The following FRMD4A variants were observed in gnomAD, a reference collection of about 807,000 sequenced individuals.
The protein encoded by FRMD4A is FERM domain-containing protein 4A.
FRMD4A carries 29 observed loss-of-function variants against 129.1 expected under a neutral mutation model. The observed-to-expected ratio is 0.22, with a 90% CI of 0.17 to 0.31. The LOEUF is 0.31. Ranked by LOEUF, FRMD4A falls within the 10% of genes least tolerant of loss-of-function variation. The probability of loss-of-function intolerance (pLI) is 1.00; values close to 1 mark genes in which losing one functional copy is unlikely to be tolerated. For synonymous variants in FRMD4A, 634 were observed against 571.6 expected (o/e 1.11, Z -1.56); for missense variants, 1,272 against 1,375.8 (o/e 0.92, Z 1.19).
At chr10:13,959,952 G>A (rs577736912) in intron 2 of FRMD4A, among the ~76,000 whole-genome samples, 22 of 152,196 alleles carry the variant, frequency 1.4e-4, no homozygotes, top group Non-Finnish European at 2.9e-4. Context: ...CCGTGGAAAA[G>A]GCACCGTGGC....
At chr10:13,695,898 C>G (rs1468764147) in intron 14 of FRMD4A, among the ~76,000 whole-genome samples, 2 of 152,250 alleles carry the variant, frequency 1.3e-5, no homozygotes, top group Non-Finnish European at 2.9e-5. Flanking sequence ...TGCCCTTCCT[C>G]TGCCCTCGAC....
intron 2 of FRMD4A, among the ~76,000 whole-genome samples, chr10:14,160,653 AAAG>A (rs1840836986): frequency 6.6e-6 from 1 of 152,158 alleles, no homozygotes; most frequent in Non-Finnish European, 1.5e-5. Flanking sequence ...TTATTTCTCA[AAAG>A]AAGACATACA....
At chr10:14,077,573 T>A (rs1305261801) in intron 2 of FRMD4A, among the ~76,000 whole-genome samples, 1 of 152,188 alleles carries the variant, frequency 6.6e-6, no homozygotes, top group Non-Finnish European at 1.5e-5. Flanking sequence ...CCCTTCCATT[T>A]GAGTGGTGAG....
chr10:14,242,840 A>C (rs1844096618), intron 2 of FRMD4A, among the ~76,000 whole-genome samples: 1 of 152,242 alleles, frequency 6.6e-6, no homozygotes, highest in Non-Finnish European at 1.5e-5. Context: ...TCCTTAAAAA[A>C]TTAAAGATAC....
At chr10:14,151,313 T>A (rs574429930) in intron 2 of FRMD4A, among the ~76,000 whole-genome samples, 1 of 152,168 alleles carries the variant, frequency 6.6e-6, no homozygotes, top group African/African-American at 2.4e-5. Flanking sequence ...ATGTACACCA[T>A]GAAATACTAT....
intron 2 of FRMD4A, among the ~76,000 whole-genome samples, chr10:14,130,378 C>G (rs1839176960): frequency 6.6e-6 from 1 of 152,106 alleles, no homozygotes; most frequent in South Asian, 2.1e-4. Flanking sequence ...CTCCCACCTC[C>G]ACCTCCCAAG....
intron 3 of FRMD4A, among the ~76,000 whole-genome samples, chr10:13,833,913 G>C (rs2093830412): frequency 6.6e-6 from 1 of 152,070 alleles, no homozygotes; most frequent in South Asian, 2.1e-4. Context: ...TCCAAAGTGG[G>C]TGCAGAAGGA....
rs369195679 is a variant in FRMD4A, at chr10:14,142,151, G to GTT, written c.45+187905_45+187906dup. Among the ~76,000 whole-genome samples, 813 of 148,252 alleles carry GTT rather than the reference G, an allele frequency of 5.5e-3. 8 individuals carry two copies. The highest frequency in any genetic ancestry group is 0.042 in the East Asian group (213 of 5,102). ...AAAAAAAGCTGCTACAAACAAAAAA[G>GTT]TTTTTTTTTTGTTGTTTTGTTTTTG... On this transcript the variant is annotated intron_variant, in intron 2 of 24. Coordinates refer to ENST00000357447, the MANE Select transcript of FRMD4A (RefSeq NM_018027.5).
intron 15 of FRMD4A, among the ~76,000 whole-genome samples, chr10:13,692,018 AT>A (rs1041052649): frequency 6.6e-6 from 1 of 151,742 alleles, no homozygotes; most frequent in African/African-American, 2.4e-5. Flanking sequence ...CATTGACCCC[AT>A]TTTTTTGGAT....
intron 2 of FRMD4A, among the ~76,000 whole-genome samples, chr10:14,194,566 G>C (rs1366921176): frequency 5.3e-5 from 8 of 152,218 alleles, no homozygotes; most frequent in Non-Finnish European, 1.0e-4. Flanking sequence ...AGCCGAGATC[G>C]CACCACTGCA....
chr10:14,244,815 G>T (rs78116000), intron 2 of FRMD4A, among the ~76,000 whole-genome samples: 8 of 152,120 alleles, frequency 5.3e-5, no homozygotes, highest in Non-Finnish European at 4.4e-5. Context: ...TGCTCTTTCC[G>T]CAGTAATACT....
chr10:14,263,852 A>G (rs1222330125), intron 2 of FRMD4A, among the ~76,000 whole-genome samples: 1 of 152,200 alleles, frequency 6.6e-6, no homozygotes, highest in Non-Finnish European at 1.5e-5. Context: ...CAGCCAGGTC[A>G]GTTGTCAGCA....
intron 24 of FRMD4A, 175 bp downstream of exon 24, chr10:13,651,728 A>AT: frequency 1.6e-6 from 1 of 612,652 alleles, no homozygotes; most frequent in Middle Eastern, 2.6e-4. Context: ...GAATATCATA[A>AT]TTTTGATGTA....
intron 8 of FRMD4A, among the ~76,000 whole-genome samples, chr10:13,751,136 C>T (rs2091603307): frequency 6.6e-6 from 1 of 152,162 alleles, no homozygotes; most frequent in African/African-American, 2.4e-5. Flanking sequence ...CACTCACACC[C>T]ATCACATCTA....
At position 13,646,903 on chromosome 10, in the gene FRMD4A, G is replaced by A. The variant is rs896523040; in HGVS notation, c.*135C>T. The A allele has an allele frequency of 1.3e-4, 80 of 617,358 alleles. No homozygotes were observed. The highest frequency in any genetic ancestry group is 2.8e-4 in the East Asian group (2 of 7,238). The allele number at this position is 617,358 out of a possible 1,614,324, so 38.2% of individuals were successfully genotyped here. ...GGCAGTGAGGTGATCTCAGAATGGC[G>A]TTGAGGCGGTCAGATTAGGCCGGGC... On this transcript the variant is annotated 3_prime_UTR_variant, in exon 25 of 25. Coordinates refer to ENST00000357447, the MANE Select transcript of FRMD4A (RefSeq NM_018027.5).
chr10:13,815,793 G>C (rs1398783845), intron 3 of FRMD4A, among the ~76,000 whole-genome samples: 1 of 152,162 alleles, frequency 6.6e-6, no homozygotes, highest in African/African-American at 2.4e-5. Flanking sequence ...GTTAATGTGA[G>C]TCTTCCCCTG....
chr10:14,240,518 A>G (rs574971098), intron 2 of FRMD4A, among the ~76,000 whole-genome samples: 2 of 152,262 alleles, frequency 1.3e-5, no homozygotes, highest in Non-Finnish European at 2.9e-5. Flanking sequence ...GTTTAGTTCA[A>G]TTCAGTGGCT....
intron 2 of FRMD4A, among the ~76,000 whole-genome samples, chr10:14,148,306 C>CT (rs1840177157): frequency 6.6e-6 from 1 of 152,148 alleles, no homozygotes. Flanking sequence ...CTGTTTTAAT[C>CT]TTTTTTATAG....
intron 2 of FRMD4A, among the ~76,000 whole-genome samples, chr10:14,293,165 C>T (rs1440801098): frequency 1.3e-5 from 2 of 152,096 alleles, no homozygotes; most frequent in African/African-American, 4.8e-5. Flanking sequence ...GAGGTGTGGC[C>T]TAATAAGAGG....
Sources: allele counts gnomAD v4.1 joint callset (sites outside exome capture counted in the v4.1 genomes callset), GRCh38; gene constraint gnomAD v4.1.1; transcripts MANE v1.5; gene names NCBI Gene and HGNC (gene_info 2026-07-23, HGNC 2026-07-21).